ARHGAP42: variants seen among roughly 807,000 people sequenced by gnomAD.
ARHGAP42 encodes the protein rho GTPase-activating protein 42.
A neutral mutation model predicts 125.0 loss-of-function variants in ARHGAP42; 63 were observed. The ratio of observed to expected loss-of-function variants is 0.50; its 90% CI spans 0.41 to 0.62. The LOEUF is 0.62. Ranked by LOEUF, ARHGAP42 falls within the 20% of genes least tolerant of loss-of-function variation. The pLI is 0.00. For synonymous variants in ARHGAP42, 339 were observed against 351.0 expected (o/e 0.97, Z 0.38); for missense variants, 766 against 1,024.2 (o/e 0.75, Z 3.44).
At chr11:100,980,556 C>CCTCTCCTTTTTTTTTTTTTTTTTTTT (rs1858509540) in intron 22 of ARHGAP42, among the ~76,000 whole-genome samples, 1 of 23,544 alleles carries the variant, frequency 4.2e-5, no homozygotes, top group Non-Finnish European at 7.4e-5. Flanking sequence ...TCTTTTTCTT[C>CCTCTCCTTTTTTTTTTTTTTTTTTTT]TTCTTTTTTT....
intron 3 of ARHGAP42, among the ~76,000 whole-genome samples, chr11:100,812,574 A>C (rs1483712538): frequency 6.6e-6 from 1 of 152,248 alleles, no homozygotes; most frequent in Non-Finnish European, 1.5e-5. Flanking sequence ...AAATCAAGGA[A>C]GGCCTCAGTG....
At chr11:100,813,849 A>G (rs1455065762) in intron 3 of ARHGAP42, among the ~76,000 whole-genome samples, 1 of 152,192 alleles carries the variant, frequency 6.6e-6, no homozygotes, top group Non-Finnish European at 1.5e-5. Context: ...TTTTAATAAG[A>G]CTGGCGGCAA....
intron 1 of ARHGAP42, among the ~76,000 whole-genome samples, chr11:100,735,240 C>A (rs1010667998): frequency 6.6e-6 from 1 of 152,180 alleles, no homozygotes; most frequent in Non-Finnish European, 1.5e-5. Flanking sequence ...TTATTTTAAG[C>A]ATGTGGAGTT....
intron 1 of ARHGAP42, among the ~76,000 whole-genome samples, chr11:100,707,394 A>G (rs1374372287): frequency 1.3e-5 from 2 of 152,228 alleles, no homozygotes; most frequent in Non-Finnish European, 2.9e-5. Context: ...CCAAGTATAT[A>G]TTTAAATTAA....
chr11:100,797,375 G>A (rs1863742110), intron 3 of ARHGAP42, among the ~76,000 whole-genome samples: 2 of 152,262 alleles, frequency 1.3e-5, no homozygotes, highest in East Asian at 1.9e-4. Context: ...TCAGTGTCTG[G>A]CTTCAAAGGA....
chr11:100,850,170 G>T (rs982118554), intron 3 of ARHGAP42, among the ~76,000 whole-genome samples: 1 of 152,150 alleles, frequency 6.6e-6, no homozygotes. Flanking sequence ...GTTTGGGGAT[G>T]CAATAGACAG....
Position 100,989,509 on chromosome 11 carries a change from G to A in ARHGAP42, c.*708G>A, listed in dbSNP as rs1256129965. ...CTGATAGCAAATATTTTTGTGGTGG[G>A]TTGAATTTGGCTTATGGGTTATAGT... On this transcript the variant is annotated 3_prime_UTR_variant, in exon 24 of 24. Coordinates refer to ENST00000298815, the MANE Select transcript of ARHGAP42 (RefSeq NM_152432.4). 1 of 175,566 alleles carries A rather than the reference G, an allele frequency of 5.7e-6. No homozygotes were observed. The highest frequency in any genetic ancestry group is 2.3e-5 in the African/African-American group (1 of 42,560). 10.9% of individuals were successfully genotyped at this position (175,566 alleles called of 1,614,324 possible). A position where few individuals can be genotyped will look rare whatever the true frequency, so the allele number is the denominator to read the frequency against.
At chr11:100,759,179 C>G (rs1862644805) in intron 1 of ARHGAP42, among the ~76,000 whole-genome samples, 1 of 152,144 alleles carries the variant, frequency 6.6e-6, no homozygotes, top group Non-Finnish European at 1.5e-5. Context: ...CCCCATCACC[C>G]TGCAGCTTGC....
At chr11:100,894,862 A>G (rs1437163173) in intron 4 of ARHGAP42, among the ~76,000 whole-genome samples, 2 of 152,166 alleles carry the variant, frequency 1.3e-5, no homozygotes, top group Non-Finnish European at 2.9e-5. Context: ...CACCTTTCTA[A>G]CTGTTGATAT....
chr11:100,907,010 C>T (rs1469704648), intron 4 of ARHGAP42, among the ~76,000 whole-genome samples: 1 of 152,106 alleles, frequency 6.6e-6, no homozygotes, highest in South Asian at 2.1e-4. Flanking sequence ...AGAGATACAC[C>T]CAGAAGTTGG....
intron 3 of ARHGAP42, among the ~76,000 whole-genome samples, chr11:100,811,203 A>T (rs1864134046): frequency 6.6e-6 from 1 of 152,066 alleles, no homozygotes; most frequent in African/African-American, 2.4e-5. Flanking sequence ...TGATCCGCCC[A>T]CCTCAGCCTC....
chr11:100,928,797 A>T (rs993940172), intron 6 of ARHGAP42, among the ~76,000 whole-genome samples: 24 of 152,056 alleles, frequency 1.6e-4, no homozygotes, highest in Non-Finnish European at 3.5e-4. Flanking sequence ...ATACTGAAAC[A>T]CCACTAATTA....
chr11:100,719,710 A>G (rs1339543116), intron 1 of ARHGAP42, among the ~76,000 whole-genome samples: 1 of 152,150 alleles, frequency 6.6e-6, no homozygotes, highest in Non-Finnish European at 1.5e-5. Context: ...GACAGGTGGT[A>G]AAATGAGCAG....
intron 3 of ARHGAP42, among the ~76,000 whole-genome samples, chr11:100,853,739 C>T (rs1302450701): frequency 1.3e-5 from 2 of 151,970 alleles, no homozygotes; most frequent in African/African-American, 2.4e-5. Flanking sequence ...AAATAGCAAA[C>T]TTTAATTTGA....
chr11:100,904,770 C>T (rs972235417), intron 4 of ARHGAP42, among the ~76,000 whole-genome samples: 2 of 152,230 alleles, frequency 1.3e-5, no homozygotes, highest in Non-Finnish European at 2.9e-5. Context: ...TAATTATCTG[C>T]TGTGCCTGTC....
chr11:100,913,604 CA>C lies in ARHGAP42; in HGVS notation c.486+55del. On this transcript the variant is annotated intron_variant, in intron 5 of 23. Transcript: ENST00000298815. ...GAAAAGGCATTAAGTCATATAAAGT[CA>C]AAATTTCCAAAGGTAAAACTATCTC... is the stretch of plus-strand genomic sequence containing the variant. 6.2e-6 allele frequency: 6 copies of C among 972,258 alleles called. No homozygotes were observed. In the South Asian group the frequency reaches 7.8e-5, roughly 13 times the overall value. 60.2% of individuals were successfully genotyped at this position (972,258 alleles called of 1,614,324 possible).
In ARHGAP42 at chr11:100,857,198, G is replaced by A. The variant is rs544277078; in HGVS notation, c.313-2356G>A. Among the ~76,000 whole-genome samples the A allele has an allele frequency of 6.6e-5, 10 of 150,626 alleles. No homozygotes were observed. In the South Asian group the frequency reaches 8.4e-4, roughly 13 times the overall value. Reference sequence around the variant, plus strand: ...TTGCCACTTATTTATTTCTTCCTTCGGTTTAACATTAATAGAACGGGAGAA... The same window carrying A: ...TTGCCACTTATTTATTTCTTCCTTCAGTTTAACATTAATAGAACGGGAGAA... On this transcript the variant is annotated intron_variant, in intron 3 of 23. Coordinates refer to ENST00000298815, the MANE Select transcript of ARHGAP42 (RefSeq NM_152432.4).
At chr11:100,950,102 T>G (rs915080249) in intron 12 of ARHGAP42, 146 bp downstream of exon 12, 2 of 397,154 alleles carry the variant, frequency 5.0e-6, no homozygotes, top group Non-Finnish European at 8.6e-6. Context: ...TTTAAAATGT[T>G]TCTCATGTTA....
intron 3 of ARHGAP42, among the ~76,000 whole-genome samples, chr11:100,846,906 C>T (rs1384183096): frequency 6.6e-6 from 1 of 152,042 alleles, no homozygotes; most frequent in Non-Finnish European, 1.5e-5. Flanking sequence ...ATTTATAAGT[C>T]GTGTTACATG....
Sources: gnomAD v4.1 joint callset for allele counts (sites outside exome capture counted in the v4.1 genomes callset) on GRCh38, gnomAD v4.1.1 for gene constraint, MANE v1.5 for transcripts, NCBI Gene and HGNC (gene_info 2026-07-23, HGNC 2026-07-21) for gene names.